The following AMMECR1 variants were observed in gnomAD, a reference collection of about 807,000 sequenced individuals.
AMMECR1 encodes the protein AMMECR nuclear protein 1.
In AMMECR1, 3 loss-of-function variants were observed where a neutral mutation model predicts 22.5. The ratio of observed to expected loss-of-function variants is 0.13; its 90% CI spans 0.06 to 0.35. AMMECR1 has a LOEUF of 0.35. AMMECR1 is among the 10% of genes least tolerant of loss of function. The pLI is 1.00. For missense variants in AMMECR1, 235 were observed against 278.7 expected (o/e 0.84, Z 1.12); for synonymous variants, 130 against 116.7 (o/e 1.11, Z -0.74).
intron 3 of AMMECR1, among the ~76,000 whole-genome samples, chrX:110,211,920 T>A (rs1345068543): frequency 8.9e-6 from 1 of 111,764 alleles, no homozygotes; most frequent in African/African-American, 3.3e-5. Flanking sequence ...AGGCTACCCA[T>A]AAACACTTAT....
intron 1 of AMMECR1, among the ~76,000 whole-genome samples, chrX:110,314,064 A>G (rs943735830): frequency 8.9e-6 from 1 of 111,790 alleles, no homozygotes; most frequent in African/African-American, 3.3e-5. Context: ...ATGGGGCCCA[A>G]CAATTTGTGT....
At chrX:110,418,864 A>C (rs932689634) in intron 2 of AMMECR1, among the ~76,000 whole-genome samples, 1 of 111,559 alleles carries the variant, frequency 9.0e-6, no homozygotes, top group Non-Finnish European at 1.9e-5. Context: ...GCTCATCATA[A>C]ACATGCTAAA....
At position 110,264,545 on chromosome X, in the gene AMMECR1, T is replaced by C. The variant is rs1321357399; in HGVS notation, c.528A>G (p.Ile176Met). 3 of 1,208,934 alleles carry C rather than the reference T, an allele frequency of 2.5e-6. No individual in the cohort carries two copies. The highest frequency in any genetic ancestry group is 3.4e-6 in the Non-Finnish European group (3 of 893,697). The stretch of plus-strand genomic sequence containing the variant: ...GCAAATTCATGGCAGAAAAAGTACC[T>C]ATGCATCCACGTAATCTTTTGTCTC... ...IGRDKRLRGCIGTFSAMNLHS... is the reference protein window; with the variant it reads ...IGRDKRLRGCMGTFSAMNLHS... Residue 176 changes from isoleucine (I) to methionine (M), a missense_variant, in exon 2 of 6, where the codon ATA (isoleucine) becomes ATG (methionine). Around this residue, in one of 2 missense-constraint regions of AMMECR1, gnomAD observed 111 missense variants for 181.7 expected, o/e 0.61. Transcript: ENST00000262844.
At chrX:110,290,736 A>G (rs1198390073) in intron 1 of AMMECR1, among the ~76,000 whole-genome samples, 1 of 111,753 alleles carries the variant, frequency 8.9e-6, no homozygotes, top group Non-Finnish European at 1.9e-5. Flanking sequence ...TTTTTAGGGC[A>G]CAAGACTTAT....
At chrX:110,234,383 C>T (rs1239887944) in intron 2 of AMMECR1, among the ~76,000 whole-genome samples, 24 of 111,989 alleles carry the variant, frequency 2.1e-4, no homozygotes, top group South Asian at 3.7e-4. Flanking sequence ...GAATCGATAT[C>T]GTGAAAATGG....
In AMMECR1 at chrX:110,264,542, A is replaced by C; in HGVS notation, c.531T>G (p.Gly177=). The C allele has an allele frequency of 8.3e-7, 1 of 1,208,993 alleles. No individual in the cohort carries two copies. Among genetic ancestry groups the C allele is most frequent in the Non-Finnish European group, 1.1e-6 (1 of 893,727 alleles). Residue 177 remains glycine (G), a synonymous_variant, in exon 2 of 6, where the codon GGT becomes GGG. Transcript: ENST00000262844. ...GRDKRLRGCI[G]TFSAMNLHSG... is the part of the protein sequence containing the mutation. ...AATGCAAATTCATGGCAGAAAAAGT[A>C]CCTATGCATCCACGTAATCTTTTGT...
At chrX:110,337,443 T>G (rs2068145470) in intron 2 of AMMECR1, among the ~76,000 whole-genome samples, 1 of 111,830 alleles carries the variant, frequency 8.9e-6, no homozygotes, top group Non-Finnish European at 1.9e-5. Context: ...GGTTTGTTTT[T>G]TCAGGTATAA....
chrX:110,205,392 T>C (rs144140766), intron 3 of AMMECR1, among the ~76,000 whole-genome samples: 1,178 of 112,008 alleles, frequency 0.011, 10 homozygotes, highest in Non-Finnish European at 0.015. Context: ...TCATGCATAA[T>C]TGAATCTTCC....
chrX:110,301,389 C>A (rs1343308175), intron 1 of AMMECR1, among the ~76,000 whole-genome samples: 1 of 112,496 alleles, frequency 8.9e-6, no homozygotes, highest in African/African-American at 3.2e-5. Context: ...AAAAGTCAGC[C>A]ACCTCAGGCA....
intron 2 of AMMECR1, among the ~76,000 whole-genome samples, chrX:110,358,462 C>G (rs1215632983): frequency 3.6e-5 from 4 of 110,847 alleles, no homozygotes; most frequent in African/African-American, 1.3e-4. Context: ...CTGAATGCAT[C>G]ATGTCCATTT....
intron 1 of AMMECR1, 62 bp from the exon 2 acceptor site, chrX:110,264,661 G>C: frequency 1.1e-6 from 1 of 911,733 alleles, no homozygotes; most frequent in African/African-American, 1.9e-5. Flanking sequence ...TATTTATTGA[G>C]TATTGACTGT....
chrX:110,391,691 G>C (rs763882779), intron 2 of AMMECR1, among the ~76,000 whole-genome samples: 2 of 111,993 alleles, frequency 1.8e-5, no homozygotes, highest in Non-Finnish European at 3.8e-5. Context: ...GTTGTCTTTA[G>C]TGAGAAACCA....
chrX:110,346,020 A>G (rs1001622460), intron 2 of AMMECR1, among the ~76,000 whole-genome samples: 2 of 112,090 alleles, frequency 1.8e-5, no homozygotes, highest in African/African-American at 6.5e-5. Context: ...TAGATAATAA[A>G]CAAGGTCATA....
At chrX:110,256,745 T>C (rs1288549740) in intron 2 of AMMECR1, among the ~76,000 whole-genome samples, 1 of 111,414 alleles carries the variant, frequency 9.0e-6, no homozygotes, top group Non-Finnish European at 1.9e-5. Context: ...AGTTTGAAGT[T>C]TGAGAGAATG....
chrX:110,350,262 A>G (rs1315499949), intron 2 of AMMECR1, among the ~76,000 whole-genome samples: 1 of 111,736 alleles, frequency 8.9e-6, no homozygotes, highest in African/African-American at 3.3e-5. Context: ...ATCTTTGGTG[A>G]GGGGCTTCTA....
chrX:110,271,818 C>T (rs1602847801), intron 1 of AMMECR1, among the ~76,000 whole-genome samples: 5 of 111,456 alleles, frequency 4.5e-5, no homozygotes. Context: ...TTTTAAATGA[C>T]ATTTTGCTAT....
chrX:110,377,870 G>A (rs1394724503), intron 2 of AMMECR1, among the ~76,000 whole-genome samples: 1 of 108,053 alleles, frequency 9.3e-6, no homozygotes, highest in Non-Finnish European at 1.9e-5. Context: ...TTAGCCGGGC[G>A]TGGTAGCGGG....
chrX:110,343,349 A>C (rs752306241), intron 2 of AMMECR1, among the ~76,000 whole-genome samples: 6 of 111,566 alleles, frequency 5.4e-5, no homozygotes, highest in African/African-American at 2.0e-4. Flanking sequence ...ATCTCAAAAT[A>C]ATAAGAGCTA....
chrX:110,381,447 A>T (rs1365771454), intron 2 of AMMECR1, among the ~76,000 whole-genome samples: 1 of 112,026 alleles, frequency 8.9e-6, no homozygotes, highest in African/African-American at 3.2e-5. Flanking sequence ...GGTTGCAGTG[A>T]AAAGGGAATG....
Sources: allele counts gnomAD v4.1 joint callset (sites outside exome capture counted in the v4.1 genomes callset), GRCh38; gene constraint gnomAD v4.1.1; regional missense constraint gnomAD v4.1.1; transcripts MANE v1.5; gene names NCBI Gene and HGNC (gene_info 2026-07-23, HGNC 2026-07-21).